Variants in CCDC150 observed in about 807,000 individuals in gnomAD.
CCDC150 encodes the protein coiled-coil domain-containing protein 150.
A neutral mutation model predicts 156.5 loss-of-function variants in CCDC150; 151 were observed. The observed-to-expected ratio is 0.97, with a 90% confidence interval of 0.85 to 1.10. The LOEUF (loss-of-function observed/expected upper bound fraction) is 1.10, where lower values mean the gene tolerates loss of function less well. Among genes scored for constraint, CCDC150 ranks in the 50% least tolerant of loss-of-function variants. The probability of loss-of-function intolerance (pLI) is 0.00; values close to 1 mark genes in which losing one functional copy is unlikely to be tolerated. For missense variants in CCDC150, 1,312 were observed against 1,268.1 expected (o/e 1.03, Z -0.53); for synonymous variants, 452 against 429.4 (o/e 1.05, Z -0.65).
At chr2:196,639,901 C>A in intron 1 of CCDC150, 123 bp downstream of exon 1, 1 of 850,364 alleles carries the variant, frequency 1.2e-6, no homozygotes, top group Non-Finnish European at 1.6e-6. Context: ...CAGTCTCACT[C>A]CCTGGACCTC....
At chr2:196,677,161 C>G in intron 12 of CCDC150, 132 bp from the exon 13 acceptor site, 1 of 731,772 alleles carries the variant, frequency 1.4e-6, no homozygotes, top group Non-Finnish European at 2.5e-6. Flanking sequence ...CTGATTGGCC[C>G]CTTTTCTGAG....
At chr2:196,686,563 A>G (rs1340870285) in intron 13 of CCDC150, among the ~76,000 whole-genome samples, 4 of 152,054 alleles carry the variant, frequency 2.6e-5, no homozygotes, top group Non-Finnish European at 4.4e-5. Context: ...TCAGAAATGC[A>G]TCTCTGGGCA....
At chr2:196,712,508 T>G in intron 16 of CCDC150, 169 bp from the exon 17 acceptor site, 1 of 608,812 alleles carries the variant, frequency 1.6e-6, no homozygotes, top group Non-Finnish European at 3.0e-6. Flanking sequence ...TCCATAAACT[T>G]TATTAGAGAA....
At chr2:196,712,941 A>G (rs1272757652) in intron 17 of CCDC150, among the ~76,000 whole-genome samples, 1 of 152,220 alleles carries the variant, frequency 6.6e-6, no homozygotes, top group Non-Finnish European at 1.5e-5. Flanking sequence ...CACTCATATC[A>G]TTAGGTTATT....
At chr2:196,709,332 G>A (rs543358795) in intron 15 of CCDC150, among the ~76,000 whole-genome samples, 1 of 152,158 alleles carries the variant, frequency 6.6e-6, no homozygotes, top group Admixed American at 6.5e-5. Flanking sequence ...CGTAGTTCTC[G>A]TGCCATGGTT....
chr2:196,664,784 C>G (rs1693748416), intron 5 of CCDC150, among the ~76,000 whole-genome samples: 1 of 152,012 alleles, frequency 6.6e-6, no homozygotes. Context: ...CACCCCCCAG[C>G]CAATCAGTCA....
intron 13 of CCDC150, among the ~76,000 whole-genome samples, chr2:196,682,503 A>G (rs1246000006): frequency 6.6e-6 from 1 of 152,052 alleles, no homozygotes; most frequent in East Asian, 1.9e-4. Context: ...TGTAAAAAAG[A>G]ACAGCTGGAA....
chr2:196,664,182 G>A (rs985213314), intron 5 of CCDC150, among the ~76,000 whole-genome samples: 8 of 152,190 alleles, frequency 5.3e-5, no homozygotes, highest in South Asian at 2.1e-4. Context: ...TTCTTCAGTG[G>A]ACACCAGTTG....
chr2:196,732,644 A>G lies in CCDC150; in HGVS notation c.*82A>G. On this transcript the variant is annotated 3_prime_UTR_variant, in exon 28 of 28. Coordinates refer to ENST00000389175, the MANE Select transcript of CCDC150 (RefSeq NM_001080539.2). ...CAGCAGCCGGGGCTGGCCTGTTTCT[A>G]GAGTCATAAGAACATGAAGTCTTTG... The G allele has an allele frequency of 1.1e-6, 1 of 886,670 alleles. No individual in the cohort carries two copies. The highest frequency in any genetic ancestry group is 1.8e-6 in the Non-Finnish European group (1 of 541,532). 54.9% of individuals were successfully genotyped at this position (886,670 alleles called of 1,614,324 possible).
intron 10 of CCDC150, among the ~76,000 whole-genome samples, chr2:196,674,983 A>G (rs1480707317): frequency 6.6e-6 from 1 of 152,194 alleles, no homozygotes; most frequent in African/African-American, 2.4e-5. Flanking sequence ...TACAGATAAG[A>G]AAATGAGGGT....
chr2:196,664,127 G>A (rs1438640696), intron 5 of CCDC150, among the ~76,000 whole-genome samples: 5 of 151,834 alleles, frequency 3.3e-5, no homozygotes, highest in African/African-American at 1.2e-4. Flanking sequence ...CACATACCTC[G>A]CAGCAGAACA....
At chr2:196,667,072 GTT>G in intron 7 of CCDC150, 1 of 541,004 alleles carries the variant, frequency 1.8e-6, no homozygotes, top group African/African-American at 1.9e-5. Flanking sequence ...TTCCTTATTT[GTT>G]TTTTTCCAGC....
chr2:196,655,596 T>G (rs975269318), intron 2 of CCDC150, among the ~76,000 whole-genome samples: 1 of 152,152 alleles, frequency 6.6e-6, no homozygotes, highest in East Asian at 1.9e-4. Flanking sequence ...AAATCCTTTT[T>G]AGTGAAAAAT....
At chr2:196,729,700 C>G (rs1698421114) in intron 23 of CCDC150, 93 bp from the exon 24 acceptor site, 2 of 858,486 alleles carry the variant, frequency 2.3e-6, no homozygotes, top group Non-Finnish European at 3.6e-6. Flanking sequence ...CTTTGGGTCT[C>G]ATATTGGATT....
rs1379189944 is a variant in CCDC150, at chr2:196,657,812, T to TA, written c.576+678dup. On this transcript the variant is annotated intron_variant, in intron 4 of 27. Transcript: ENST00000389175. ...GTAGGATATTATTATCCCCATTTTT[T>TA]AACAATGATAGTACTGGGTCCCTGG... Among the ~76,000 whole-genome samples the TA allele has an allele frequency of 3.3e-5, 5 of 152,228 alleles. No individual in the cohort carries two copies. In the South Asian group the frequency reaches 1.0e-3, roughly 31 times the overall value.
intron 22 of CCDC150, among the ~76,000 whole-genome samples, chr2:196,728,269 G>A (rs1486284293): frequency 6.6e-6 from 1 of 152,194 alleles, no homozygotes; most frequent in Non-Finnish European, 1.5e-5. Flanking sequence ...TTTTAGAAAG[G>A]CTGTGATTGA....
intron 2 of CCDC150, among the ~76,000 whole-genome samples, chr2:196,651,639 C>T (rs532823513): frequency 1.7e-4 from 26 of 152,222 alleles, no homozygotes; most frequent in South Asian, 1.4e-3. Flanking sequence ...AAAACTTCAT[C>T]GATAGTCTAG....
At chr2:196,646,277 T>C in intron 1 of CCDC150, 64 bp from the exon 2 acceptor site, 1 of 1,448,876 alleles carries the variant, frequency 6.9e-7, no homozygotes. Context: ...GGCACAGGAA[T>C]GGCAGTGACT....
intron 15 of CCDC150, among the ~76,000 whole-genome samples, chr2:196,710,469 A>ATGCCC (rs1173946717): frequency 1.3e-5 from 2 of 152,146 alleles, no homozygotes; most frequent in African/African-American, 4.8e-5. Flanking sequence ...GGGTGAGGCG[A>ATGCCC]TGCCCTGCCC....
Sources: allele counts gnomAD v4.1 joint callset (sites outside exome capture counted in the v4.1 genomes callset), GRCh38; gene constraint gnomAD v4.1.1; transcripts MANE v1.5; gene names NCBI Gene and HGNC (gene_info 2026-07-23, HGNC 2026-07-21).